GJA5: variants seen among roughly 807,000 people sequenced by gnomAD.
The protein encoded by GJA5 is gap junction alpha-5 protein.
Under a neutral mutation model 7.9 loss-of-function variants are expected in GJA5, and 3 were observed. The ratio of observed to expected loss-of-function variants is 0.38; its 90% CI spans 0.17 to 0.99. The LOEUF (loss-of-function observed/expected upper bound fraction) is 0.99. Among genes scored for constraint, GJA5 ranks in the 50% least tolerant of loss-of-function variants. The probability of loss-of-function intolerance (pLI) is 0.38; values close to 1 mark genes in which losing one functional copy is unlikely to be tolerated. For synonymous variants in GJA5, 193 were observed against 181.0 expected, an observed-to-expected ratio of 1.07 and a Z score of -0.53; for missense variants, 390 against 457.9, an observed-to-expected ratio of 0.85 and a Z score of 1.35.
intron 1 of GJA5, among the ~76,000 whole-genome samples, chr1:147,766,523 G>A (rs2148963368): frequency 6.6e-6 from 1 of 152,236 alleles, no homozygotes; most frequent in Non-Finnish European, 1.5e-5. Context: ...CAGAACACCA[G>A]GGAGATGGAA....
chr1:147,764,542 C>T (rs1172609107), upstream of GJA5, among the ~76,000 whole-genome samples: 5 of 151,948 alleles, frequency 3.3e-5, no homozygotes, highest in South Asian at 2.1e-4. Context: ...TTAATAAAAT[C>T]GGCCGGGTGT....
At chr1:147,763,341 G>A (rs139988775), upstream of GJA5, among the ~76,000 whole-genome samples, 261 of 152,302 alleles carry the variant, frequency 1.7e-3, no homozygotes, top group African/African-American at 6.1e-3. Context: ...ATTAACAGCA[G>A]ACATTAAATA....
rs782394288 is a variant in GJA5 at position 147,758,984 on chromosome 1, G to A, written c.255C>T (p.Val85=). The A allele has an allele frequency of 1.2e-6, 2 of 1,614,228 alleles. No individual in the cohort carries two copies. The highest frequency in any genetic ancestry group is 1.7e-5 in the Admixed American group (1 of 60,036). ...IRYWVLQIIF[V]STPSLVYMGH... ...CCATGTACACCAGAGAGGGCGTGGA[G>A]ACGAAGATGATCTGCAGCACCCAGT... The change falls in exon 2 of 2, where the codon GTC becomes GTT. Residue 85 remains valine (V), a synonymous_variant. Transcript: ENST00000579774.
At chr1:147,772,071 AC>A (rs1664426764) in intron 1 of GJA5, among the ~76,000 whole-genome samples, 1 of 151,994 alleles carries the variant, frequency 6.6e-6, no homozygotes, top group African/African-American at 2.4e-5. Flanking sequence ...GAGGCGCTGC[AC>A]CTCCACACGC....
upstream of GJA5, among the ~76,000 whole-genome samples, chr1:147,765,344 T>G (rs2148962739): frequency 6.6e-6 from 1 of 152,334 alleles, no homozygotes; most frequent in South Asian, 2.1e-4. Context: ...AAACAATTAA[T>G]GGGGGAAGAA....
At position 147,758,645 on chromosome 1, in the gene GJA5, T is replaced by C; in HGVS notation, c.594A>G (p.Val198=). ...SPCPHPVNCY[V]SRPTEKNVFI... is the part of the protein sequence containing the mutation. ...AGACATTCTTCTCTGTGGGCCGGGATACGTAACAGTTGACCGGGTGGGGAC... is the reference window on the plus strand; with the variant it reads ...AGACATTCTTCTCTGTGGGCCGGGACACGTAACAGTTGACCGGGTGGGGAC... The change falls in exon 2 of 2, where the codon GTA becomes GTG. Residue 198 remains valine, a synonymous_variant. Coordinates refer to ENST00000579774, the MANE Select transcript of GJA5 (RefSeq NM_181703.4). The C allele has an allele frequency of 6.2e-7, 1 of 1,614,148 alleles. No homozygotes were observed. Among genetic ancestry groups the C allele is most frequent in the Non-Finnish European group, 8.5e-7 (1 of 1,179,980 alleles).
chr1:147,765,756 C>T (rs1315886781), intron 1 of GJA5, among the ~76,000 whole-genome samples: 1 of 152,138 alleles, frequency 6.6e-6, no homozygotes, highest in Middle Eastern at 3.2e-3. Context: ...CCATTATTTG[C>T]TCCTGAGGGC....
chr1:147,757,928 T>C lies in GJA5; in HGVS notation c.*234A>G. ...TTCATGAGTAATCTGAAAGGCTTCG[T>C]ATACTGGGTAGAGGGTGGGGAGGGA... On this transcript the variant is annotated 3_prime_UTR_variant, in exon 2 of 2. Transcript: ENST00000579774. 3.5e-6 allele frequency: 2 copies of C among 569,930 alleles called. No homozygotes were observed. The highest frequency in any genetic ancestry group is 6.3e-6 in the Non-Finnish European group (2 of 319,054). 35.3% of individuals were successfully genotyped at this position (569,930 alleles called of 1,614,324 possible).
chr1:147,767,266 T>A (rs587771440), intron 1 of GJA5, among the ~76,000 whole-genome samples: 1 of 152,126 alleles, frequency 6.6e-6, no homozygotes, highest in South Asian at 2.1e-4. Context: ...TAGGTGATAA[T>A]AATAATAATG....
At chr1:147,760,954 A>G (rs1553227337), upstream of GJA5, among the ~76,000 whole-genome samples, 1 of 152,106 alleles carries the variant, frequency 6.6e-6, no homozygotes, top group African/African-American at 2.4e-5. Context: ...GACTACTCAC[A>G]GTGCTCCCAT....
chr1:147,767,770 C>T (rs1219183516), intron 1 of GJA5, among the ~76,000 whole-genome samples: 5 of 152,118 alleles, frequency 3.3e-5, no homozygotes, highest in African/African-American at 9.7e-5. Flanking sequence ...GCTCCCAGCT[C>T]ATCTGACAGC....
intron 1 of GJA5, among the ~76,000 whole-genome samples, chr1:147,769,482 G>A (rs1231930552): frequency 6.6e-6 from 1 of 152,212 alleles, no homozygotes; most frequent in Admixed American, 6.5e-5. Flanking sequence ...AACGTAATGT[G>A]TGGACATGTG....
intron 1 of GJA5, among the ~76,000 whole-genome samples, chr1:147,771,197 G>C (rs1203216444): frequency 2.6e-5 from 4 of 152,214 alleles, no homozygotes; most frequent in Admixed American, 6.5e-5. Flanking sequence ...GCCCTCCACT[G>C]CCTGTGCCCC....
intron 1 of GJA5, among the ~76,000 whole-genome samples, chr1:147,772,818 C>T (rs1388720228): frequency 5.4e-5 from 8 of 148,292 alleles, no homozygotes; most frequent in Non-Finnish European, 8.9e-5. Flanking sequence ...AAAACACTCC[C>T]CTAGATGCTG....
upstream of GJA5, among the ~76,000 whole-genome samples, chr1:147,761,075 C>T (rs1663990089): frequency 6.6e-6 from 1 of 152,180 alleles, no homozygotes; most frequent in Non-Finnish European, 1.5e-5. Flanking sequence ...GAAATGTCAA[C>T]CAGTGCCCTG....
chr1:147,758,693 C>T lies in GJA5; in HGVS notation c.546G>A (p.Leu182=). ...YFIYGIFLTT[L]HVCRRSPCPH... ...GACAGGGACTCCTGCGGCAGACATG[C>T]AGGGTGGTCAGGAAGATTCCGTAGA... Residue 182 remains leucine (L), a synonymous_variant, in exon 2 of 2, where the codon CTG becomes CTA. Transcript: ENST00000579774. 1.2e-6 allele frequency: 2 copies of T among 1,614,176 alleles called. No individual in the cohort carries two copies. The highest frequency in any genetic ancestry group is 1.7e-6 in the Non-Finnish European group (2 of 1,180,032).
upstream of GJA5, among the ~76,000 whole-genome samples, chr1:147,763,644 T>C (rs1287961846): frequency 6.6e-6 from 1 of 152,148 alleles, no homozygotes; most frequent in Non-Finnish European, 1.5e-5. Flanking sequence ...GAGGGGCCAC[T>C]AGGAAACTTG....
chr1:147,763,707 A>T (rs1664098671), upstream of GJA5, among the ~76,000 whole-genome samples: 1 of 152,204 alleles, frequency 6.6e-6, no homozygotes, highest in Admixed American at 6.5e-5. Context: ...CAGAGGAAGG[A>T]TTTTGTGTAT....
chr1:147,765,922 C>T (rs781815626), intron 1 of GJA5, among the ~76,000 whole-genome samples: 5 of 152,158 alleles, frequency 3.3e-5, no homozygotes, highest in African/African-American at 7.2e-5. Context: ...ACTGCACCCT[C>T]GTCTCTCCTG....
Sources: gnomAD v4.1 joint callset for allele counts (sites outside exome capture counted in the v4.1 genomes callset) on GRCh38, gnomAD v4.1.1 for gene constraint, MANE v1.5 for transcripts, NCBI Gene and HGNC (gene_info 2026-07-23, HGNC 2026-07-21) for gene names.